Variants in VAV1 observed in about 807,000 individuals in gnomAD.
VAV1 encodes the protein vav guanine nucleotide exchange factor 1, also known as proto-oncogene vav.
VAV1 carries 33 observed loss-of-function variants against 128.1 expected under a neutral mutation model. That is an observed-to-expected ratio of 0.26 (90% CI 0.20 to 0.34). The LOEUF is 0.34. Ranked by LOEUF, VAV1 falls within the 10% of genes least tolerant of loss-of-function variation. The pLI, the probability that VAV1 is intolerant of heterozygous loss-of-function variation, is 1.00. For synonymous variants in VAV1, 394 were observed against 409.8 expected (o/e 0.96, Z 0.47); for missense variants, 715 against 1,093.7 (o/e 0.65, Z 4.88).
chr19:6,786,747 C>T (rs1265090768), intron 1 of VAV1, among the ~76,000 whole-genome samples: 1 of 152,156 alleles, frequency 6.6e-6, no homozygotes, highest in African/African-American at 2.4e-5. Context: ...TGCACCACTG[C>T]ACTCTAGCCT....
chr19:6,829,400 G>T (rs1362460382), intron 13 of VAV1, among the ~76,000 whole-genome samples: 2 of 151,514 alleles, frequency 1.3e-5, no homozygotes, highest in Non-Finnish European at 2.9e-5. Context: ...AGCCAACACA[G>T]ATCTGGGGTG....
At chr19:6,798,492 T>A (rs1251082434) in intron 1 of VAV1, among the ~76,000 whole-genome samples, 1 of 151,362 alleles carries the variant, frequency 6.6e-6, no homozygotes, top group Non-Finnish European at 1.5e-5. Flanking sequence ...AATAAATAAA[T>A]AAATAAAATA....
chr19:6,855,837 CTAT>C (rs1972784886), intron 26 of VAV1, among the ~76,000 whole-genome samples: 2 of 149,454 alleles, frequency 1.3e-5, no homozygotes, highest in Non-Finnish European at 3.0e-5. Context: ...ATCTATCTAT[CTAT>C]CTATCCATTC....
chr19:6,795,132 T>G (rs1971102318), intron 1 of VAV1, among the ~76,000 whole-genome samples: 1 of 152,110 alleles, frequency 6.6e-6, no homozygotes, highest in Admixed American at 6.6e-5. Flanking sequence ...GCAGTGTCAC[T>G]TACAGCAGTT....
chr19:6,809,220 T>A (rs1971463529), intron 1 of VAV1, among the ~76,000 whole-genome samples: 1 of 152,074 alleles, frequency 6.6e-6, no homozygotes, highest in African/African-American at 2.4e-5. Flanking sequence ...ACTATAGGCA[T>A]GTGCCACCAC....
intron 1 of VAV1, among the ~76,000 whole-genome samples, chr19:6,814,663 CCTTCCTTCCTTTCTTTCTTTCTTT>C (rs1307403348): frequency 7.5e-5 from 2 of 26,530 alleles, no homozygotes; most frequent in Non-Finnish European, 1.3e-4. Context: ...TTCCTTCCTT[CCTTCCTTCCTTTCTTTCTTTCTTT>C]CTTTCTTTCT....
At chr19:6,803,717 A>G (rs1379547550) in intron 1 of VAV1, among the ~76,000 whole-genome samples, 1 of 152,016 alleles carries the variant, frequency 6.6e-6, no homozygotes, top group African/African-American at 2.4e-5. Flanking sequence ...GGCACCTGCC[A>G]CCACACCTGG....
chr19:6,793,857 G>A (rs897904969), intron 1 of VAV1, among the ~76,000 whole-genome samples: 1 of 152,044 alleles, frequency 6.6e-6, no homozygotes, highest in Non-Finnish European at 1.5e-5. Flanking sequence ...CTACCTTATA[G>A]GATTGTTGTA....
chr19:6,844,048 T>TTTC (rs750290415), intron 22 of VAV1, among the ~76,000 whole-genome samples: 1,650 of 144,304 alleles, frequency 0.011, 30 homozygotes, highest in Middle Eastern at 0.027. Flanking sequence ...ACTTTCTTCT[T>TTTC]TTCTTCTTCT....
At chr19:6,785,130 G>T (rs6510922) in intron 1 of VAV1, among the ~76,000 whole-genome samples, 10,536 of 152,092 alleles carry the variant, frequency 0.069, 755 homozygotes, top group African/African-American at 0.18. Context: ...AGGTATACAC[G>T]GTGAGTGTTC....
intron 23 of VAV1, 48 bp downstream of exon 23, chr19:6,848,162 C>T (rs201498576): frequency 1.6e-5 from 24 of 1,487,506 alleles, no homozygotes; most frequent in South Asian, 1.2e-4. Flanking sequence ...CTGGGCCCTG[C>T]GGGCCTGGGA....
At chr19:6,795,041 A>C (rs1971099938) in intron 1 of VAV1, among the ~76,000 whole-genome samples, 1 of 152,164 alleles carries the variant, frequency 6.6e-6, no homozygotes, top group Non-Finnish European at 1.5e-5. Flanking sequence ...GGGTTTCAAG[A>C]AACCCGGAGA....
At chr19:6,823,534 T>C (rs115785867) in intron 6 of VAV1, among the ~76,000 whole-genome samples, 2,735 of 152,034 alleles carry the variant, frequency 0.018, 93 homozygotes, top group African/African-American at 0.062. Flanking sequence ...TTTTTTGTTA[T>C]GTTAACCAGG....
chr19:6,786,871 T>C (rs2144705172), intron 1 of VAV1, among the ~76,000 whole-genome samples: 1 of 152,278 alleles, frequency 6.6e-6, no homozygotes, highest in South Asian at 2.1e-4. Context: ...TATTTTATTA[T>C]TATTATTTTT....
chr19:6,817,629 A>G (rs913968149), intron 1 of VAV1, among the ~76,000 whole-genome samples: 5 of 152,084 alleles, frequency 3.3e-5, no homozygotes, highest in Non-Finnish European at 7.4e-5. Flanking sequence ...AGCAAAACTA[A>G]GGGGATAGAA....
intron 1 of VAV1, among the ~76,000 whole-genome samples, chr19:6,814,675 T>TTCCTTCCTTCCTTCCTTCCTTC (rs1568299213): frequency 1.2e-4 from 9 of 77,152 alleles, no homozygotes; most frequent in Middle Eastern, 6.3e-3. Context: ...TTCCTTCCTT[T>TTCCTTCCTTCCTTCCTTCCTTC]CTTTCTTTCT....
chr19:6,819,403 G>C lies in VAV1; in HGVS notation c.205-1299G>C, dbSNP rs551890647. Among the ~76,000 whole-genome samples the C allele has an allele frequency of 4.6e-5, 7 of 152,308 alleles. No individual in the cohort carries two copies. In the East Asian group the frequency reaches 1.3e-3, roughly 29 times the overall value. ...AAGAAACCAACCCTACTGACACCTT[G>C]ATCTTGGACTTCTAGTCTCAGAACT... On this transcript the variant is annotated intron_variant, in intron 1 of 26. Transcript: ENST00000602142.
chr19:6,853,188 C>T, intron 25 of VAV1, 109 bp downstream of exon 25: 1 of 765,978 alleles, frequency 1.3e-6, no homozygotes. Flanking sequence ...GAGGTCATAT[C>T]TGTGCAGTAG....
intron 6 of VAV1, among the ~76,000 whole-genome samples, chr19:6,823,280 C>T (rs971218458): frequency 1.3e-5 from 2 of 150,622 alleles, no homozygotes; most frequent in African/African-American, 4.9e-5. Context: ...CATGCACCAC[C>T]ATGCTCGACT....
Sources: allele counts gnomAD v4.1 joint callset (sites outside exome capture counted in the v4.1 genomes callset), GRCh38; gene constraint gnomAD v4.1.1; transcripts MANE v1.5; gene names NCBI Gene and HGNC (gene_info 2026-07-23, HGNC 2026-07-21).